Variants in USP8 observed in about 807,000 individuals in gnomAD.
USP8 encodes ubiquitin carboxyl-terminal hydrolase 8.
In USP8, 27 loss-of-function variants were observed where a neutral mutation model predicts 130.0. The observed-to-expected ratio is 0.21, with a 90% CI of 0.15 to 0.29. The LOEUF is 0.29. Among genes scored for constraint, USP8 ranks in the 10% least tolerant of loss-of-function variants. The pLI is 1.00. For missense variants in USP8, 1,029 were observed against 1,312.2 expected (o/e 0.78, Z 3.33); for synonymous variants, 392 against 444.1 (o/e 0.88, Z 1.48).
At chr15:50,493,390 C>T in intron 15 of USP8, 1 of 519,340 alleles carries the variant, frequency 1.9e-6, no homozygotes, top group South Asian at 1.4e-5. Flanking sequence ...TTTTACCTTT[C>T]AAACCATAGT....
At chr15:50,470,519 G>A (rs1031820463) in intron 7 of USP8, among the ~76,000 whole-genome samples, 11 of 152,064 alleles carry the variant, frequency 7.2e-5, no homozygotes, top group Admixed American at 3.9e-4. Context: ...TGGCTGGAGC[G>A]AGTGAAGGGG....
chr15:50,473,823 T>A (rs971899166), intron 8 of USP8, among the ~76,000 whole-genome samples: 17 of 151,072 alleles, frequency 1.1e-4, no homozygotes, highest in African/African-American at 3.4e-4. Context: ...TATATATATT[T>A]TTTTAATTTA....
In USP8 at chr15:50,490,972, AG is replaced by A. The variant is rs1347180866; in HGVS notation, c.2234+448del. Among the ~76,000 whole-genome samples the A allele has an allele frequency of 2.6e-5, 4 of 152,328 alleles. No homozygotes were observed. In the East Asian group the frequency reaches 7.7e-4, roughly 29 times the overall value. Reference sequence around the variant, plus strand: ...ATAGTATTAAAATAACAAGCACTTTAGTATATCATCCTCTAATCCTTATTCT... The same window carrying A: ...ATAGTATTAAAATAACAAGCACTTTATATATCATCCTCTAATCCTTATTCT... On this transcript the variant is annotated intron_variant, in intron 14 of 19. Coordinates refer to ENST00000307179, the MANE Select transcript of USP8 (RefSeq NM_005154.5).
intron 1 of USP8, among the ~76,000 whole-genome samples, chr15:50,429,881 TA>T (rs1168331145): frequency 6.6e-6 from 1 of 152,152 alleles, no homozygotes; most frequent in African/African-American, 2.4e-5. Flanking sequence ...TTGCATCTGT[TA>T]AAAAATTAAT....
chr15:50,495,850 T>G lies in USP8; in HGVS notation c.2661T>G (p.Ala887=). 6.2e-7 allele frequency: 1 copy of G among 1,608,136 alleles called. No homozygotes were observed. The highest frequency in any genetic ancestry group is 1.3e-5 in the African/African-American group (1 of 74,730). Residue 887 remains alanine (A), a splice_region_variant and synonymous_variant, in exon 17 of 20, where the codon GCT becomes GCG. Coordinates refer to ENST00000307179, the MANE Select transcript of USP8 (RefSeq NM_005154.5). ...MDGLHEDLNK[A]DNRKRYKEEN... ...AGCTTAAATCATTTTATTTCCAGGC[T>G]GATAATCGGAAGAGATATAAAGAAG...
At position 50,474,023 on chromosome 15, in the gene USP8, G is replaced by A. The variant is rs540215931; in HGVS notation, c.849+2228G>A. ...GCTAATTTTTTACTTACTGTTTTTT[G>A]AAGACATATCTTACTCTGTTGCCCA... On this transcript the variant is annotated intron_variant, in intron 8 of 19. Coordinates refer to ENST00000307179, the MANE Select transcript of USP8 (RefSeq NM_005154.5). 8.6e-5 allele frequency among the ~76,000 whole-genome samples: 13 copies of A among 151,744 alleles called. No individual in the cohort carries two copies. In the South Asian group the frequency reaches 1.9e-3, roughly 22 times the overall value.
At chr15:50,457,967 C>A (rs1484311335) in intron 4 of USP8, among the ~76,000 whole-genome samples, 1 of 151,750 alleles carries the variant, frequency 6.6e-6, no homozygotes, top group Non-Finnish European at 1.5e-5. Context: ...TCGTCTTTTA[C>A]TAATTATTGA....
intron 12 of USP8, among the ~76,000 whole-genome samples, chr15:50,486,637 A>G (rs1439667589): frequency 6.6e-6 from 1 of 152,266 alleles, no homozygotes; most frequent in East Asian, 1.9e-4. Context: ...CATTAACTAC[A>G]GAAGTCAAAT....
chr15:50,445,075 T>A (rs1202601539), intron 3 of USP8, among the ~76,000 whole-genome samples: 1 of 152,048 alleles, frequency 6.6e-6, no homozygotes, highest in Non-Finnish European at 1.5e-5. Flanking sequence ...TGTTTTCTGT[T>A]TTTTGTTATA....
intron 1 of USP8, among the ~76,000 whole-genome samples, chr15:50,431,871 G>A (rs1266939833): frequency 6.6e-6 from 1 of 151,952 alleles, no homozygotes; most frequent in Non-Finnish European, 1.5e-5. Context: ...GGTCAGGCTG[G>A]TCTTGAACTT....
chr15:50,476,835 T>G lies in USP8; in HGVS notation c.850-14T>G. The G allele has an allele frequency of 6.5e-7, 1 of 1,535,820 alleles. No homozygotes were observed. Among genetic ancestry groups the G allele is most frequent in the Non-Finnish European group, 8.7e-7 (1 of 1,151,362 alleles). On this transcript the variant is annotated splice_polypyrimidine_tract_variant and intron_variant, in intron 8 of 19. Coordinates refer to ENST00000307179, the MANE Select transcript of USP8 (RefSeq NM_005154.5). Reference sequence around the variant, plus strand: ...ATTGCTGCCCTATTTAAAATATGATTTCCTTATTTATAGTGGGAAAGTAAA... The same window carrying G: ...ATTGCTGCCCTATTTAAAATATGATGTCCTTATTTATAGTGGGAAAGTAAA...
intron 7 of USP8, among the ~76,000 whole-genome samples, chr15:50,466,378 C>T (rs2141286311): frequency 6.6e-6 from 1 of 152,212 alleles, no homozygotes; most frequent in South Asian, 2.1e-4. Context: ...GCAGGCGGAT[C>T]ACTTGAGGTC....
chr15:50,505,182 T>C lies in USP8; in HGVS notation c.*6094T>C, dbSNP rs189964079. On this transcript the variant is annotated 3_prime_UTR_variant, in exon 20 of 20. Transcript: ENST00000307179. Reference sequence around the variant, plus strand: ...AGTGATAATGGCTGAAAATGATTAATGAGACATGAATCTTCACATTTAGGA... The same window carrying C: ...AGTGATAATGGCTGAAAATGATTAACGAGACATGAATCTTCACATTTAGGA... The C allele has an allele frequency of 3.3e-5, 5 of 152,108 alleles. No individual in the cohort carries two copies. The East Asian group carries it at 9.7e-4, about 29-fold the overall frequency. 9.4% of individuals were successfully genotyped at this position (152,108 alleles called of 1,614,324 possible).
intron 3 of USP8, among the ~76,000 whole-genome samples, chr15:50,441,694 G>A (rs1323868855): frequency 1.3e-5 from 2 of 152,038 alleles, no homozygotes. Context: ...ACACATTCTT[G>A]GATTTGCCAT....
Position 50,447,745 on chromosome 15 carries a change from G to A in USP8, c.250-1655G>A, listed in dbSNP as rs1397913761. On this transcript the variant is annotated intron_variant, in intron 3 of 19. Coordinates refer to ENST00000307179, the MANE Select transcript of USP8 (RefSeq NM_005154.5). The stretch of plus-strand genomic sequence containing the variant: ...GCCTGGCTAATTTTTGCATTTTTAC[G>A]CTTATTTTTTTTTTTGTCTTTTTTT... Among the ~76,000 whole-genome samples the A allele has an allele frequency of 9.5e-4, 16 of 16,916 alleles. No homozygotes were observed. The East Asian group carries it at 0.023, about 24-fold the overall frequency. The allele number at this position is 16,916 out of a possible 152,430, so 11.1% of individuals were successfully genotyped here.
chr15:50,440,234 A>G (rs749911110), intron 2 of USP8, among the ~76,000 whole-genome samples: 1 of 152,234 alleles, frequency 6.6e-6, no homozygotes, highest in Non-Finnish European at 1.5e-5. Flanking sequence ...AGATAAAGCC[A>G]CCTTTAGATA....
intron 6 of USP8, chr15:50,463,236 C>A (rs1218947846): frequency 6.6e-6 from 1 of 152,146 alleles, no homozygotes. Context: ...GACAGTGAGA[C>A]CCTGTCTCAA....
chr15:50,481,429 G>C, intron 10 of USP8, 52 bp from the exon 11 acceptor site: 1 of 1,340,334 alleles, frequency 7.5e-7, no homozygotes, highest in East Asian at 2.6e-5. Flanking sequence ...AAGAACTGAG[G>C]TTATTTCCTG....
chr15:50,440,465 G>A (rs2050219589), intron 2 of USP8, among the ~76,000 whole-genome samples: 1 of 152,194 alleles, frequency 6.6e-6, no homozygotes, highest in Admixed American at 6.5e-5. Flanking sequence ...TGGTTTTGTG[G>A]AAGACAGTTT....
Sources: gnomAD v4.1 joint callset for allele counts (sites outside exome capture counted in the v4.1 genomes callset) on GRCh38, gnomAD v4.1.1 for gene constraint, MANE v1.5 for transcripts, NCBI Gene and HGNC (gene_info 2026-07-23, HGNC 2026-07-21) for gene names.